Variants in HPD observed in about 807,000 individuals in gnomAD.
HPD encodes 4-hydroxyphenylpyruvic acid oxidase.
In HPD, 35 loss-of-function variants were observed where a neutral mutation model predicts 56.9. That is an observed-to-expected ratio of 0.62 (90% confidence interval 0.47 to 0.82). The LOEUF (loss-of-function observed/expected upper bound fraction) is 0.82. HPD is among the 40% of genes least tolerant of loss of function. The pLI is 0.00. For synonymous variants in HPD, 186 were observed against 200.2 expected (o/e 0.93, Z 0.60); for missense variants, 442 against 506.8 (o/e 0.87, Z 1.23).
At chr12:121,883,814 A>G in the HPD span, among the ~76,000 whole-genome samples, 1 of 151,802 alleles carries the variant, frequency 6.6e-6, no homozygotes, top group African/African-American at 2.4e-5. Flanking sequence ...CTGCCTACAA[A>G]AGTTTCCTTG....
chr12:121,854,775 GCCCCGTTCC>G lies in HPD; in HGVS notation c.333_341del (p.Glu112_Gly114del). 2 of 1,613,900 alleles carry G rather than the reference GCCCCGTTCC, an allele frequency of 1.2e-6. No homozygotes were observed. The highest frequency in any genetic ancestry group is 1.7e-6 in the Non-Finnish European group (2 of 1,179,834). ...CCCAGGGCTCCCGCATGATTTTGGCGCCCCGTTCCCGTGCTTTCTGCAGAGAAGATGGGA... is the reference window on the plus strand; with the variant it reads ...CCCAGGGCTCCCGCATGATTTTGGCGCGTGCTTTCTGCAGAGAAGATGGGA... On this transcript the variant is annotated inframe_deletion, in exon 7 of 14. Transcript: ENST00000289004.
At position 121,856,393 on chromosome 12, in the gene HPD, G is replaced by A; in HGVS notation, c.255C>T (p.His85=). 1 of 1,614,078 alleles carries A rather than the reference G, an allele frequency of 6.2e-7. No individual in the cohort carries two copies. Among genetic ancestry groups the A allele is most frequent in the South Asian group, 1.1e-5 (1 of 91,072 alleles). ...TCACTCCGTCACCGTGTTTCACCAG[G>A]TGATCGCCCATCTCTGTGGCCGGCA... ...LNPWNKEMGD[H]LVKHGDGVKD... Residue 85 remains histidine (H), a synonymous_variant, in exon 6 of 14, where the codon CAC becomes CAT. Transcript: ENST00000289004.
intron 7 of HPD, among the ~76,000 whole-genome samples, chr12:121,854,020 T>G (rs1396378225): frequency 6.6e-6 from 1 of 152,176 alleles, no homozygotes; most frequent in East Asian, 1.9e-4. Context: ...GAGGCTGAGT[T>G]GGGCGGATCA....
the HPD span, among the ~76,000 whole-genome samples, chr12:121,885,821 C>T: frequency 2.6e-5 from 4 of 151,518 alleles, no homozygotes; most frequent in African/African-American, 7.3e-5. Flanking sequence ...AAAAATTAGC[C>T]GAGCATGGTG....
chr12:121,861,525 G>A (rs563598533), upstream of HPD, among the ~76,000 whole-genome samples: 5 of 151,934 alleles, frequency 3.3e-5, no homozygotes, highest in Admixed American at 2.0e-4. Flanking sequence ...AAGTAAGTAA[G>A]TAAGTAAATA....
chr12:121,883,635 C>T, the HPD span, among the ~76,000 whole-genome samples: 3 of 151,682 alleles, frequency 2.0e-5, no homozygotes, highest in African/African-American at 7.3e-5. Flanking sequence ...CTCAGAAGAA[C>T]TGCAAGATAG....
At chr12:121,843,562 C>T (rs1407527708) in intron 12 of HPD, 148 bp downstream of exon 12, 14 of 891,412 alleles carry the variant, frequency 1.6e-5, no homozygotes, top group Non-Finnish European at 2.1e-5. Flanking sequence ...CATCTGTCTC[C>T]TCCTCCCACA....
upstream of HPD, among the ~76,000 whole-genome samples, chr12:121,861,964 C>T (rs1184965464): frequency 1.3e-5 from 2 of 151,838 alleles, no homozygotes; most frequent in African/African-American, 2.4e-5. Context: ...GAGCTATGAT[C>T]GCACCACTGC....
Position 121,847,098 on chromosome 12 carries a change from A to G in HPD, c.713T>C (p.Met238Thr). 1 of 1,614,182 alleles carries G rather than the reference A, an allele frequency of 6.2e-7. No individual in the cohort carries two copies. Among genetic ancestry groups the G allele is most frequent in the Non-Finnish European group, 8.5e-7 (1 of 1,180,044 alleles). Residue 238 changes from methionine (M) to threonine (T), a missense_variant, in exon 10 of 14, where the codon ATG becomes ACG. By Grantham distance (81) the Met-to-Thr change is moderately conservative (BLOSUM62 -1). Coordinates refer to ENST00000289004, the MANE Select transcript of HPD (RefSeq NM_002150.3). ...VVANYEESIKMPINEPAPGKK... is the reference protein window; with the variant it reads ...VVANYEESIKTPINEPAPGKK... ...GCCAGGCGCTGGCTCATTGATGGGC[A>G]TCTTGATGGACTCTTCATAGTTGGC...
At chr12:121,878,578 A>G in the HPD span, among the ~76,000 whole-genome samples, 1 of 151,714 alleles carries the variant, frequency 6.6e-6, no homozygotes, top group Non-Finnish European at 1.5e-5. Flanking sequence ...CAAACTCCTG[A>G]CCTCAAGTGA....
At chr12:121,882,355 C>T in the HPD span, among the ~76,000 whole-genome samples, 1 of 152,172 alleles carries the variant, frequency 6.6e-6, no homozygotes, top group East Asian at 1.9e-4. Flanking sequence ...TGTCTCTTGG[C>T]CTACCTCTCG....
chr12:121,840,601 C>A (rs1317877436), intron 12 of HPD, among the ~76,000 whole-genome samples: 6 of 152,006 alleles, frequency 3.9e-5, no homozygotes, highest in African/African-American at 1.4e-4. Flanking sequence ...TGACCTGCTG[C>A]GGGATCTTTT....
chr12:121,882,855 C>T, the HPD span, among the ~76,000 whole-genome samples: 1 of 152,274 alleles, frequency 6.6e-6, no homozygotes, highest in South Asian at 2.1e-4. Flanking sequence ...GCCTCAGCCT[C>T]CTGAGTAGCT....
rs770864956 is a variant in HPD at position 121,857,787 on chromosome 12, A to G, written c.63T>C (p.Ser21=). 5 of 1,613,928 alleles carry G rather than the reference A, an allele frequency of 3.1e-6. No homozygotes were observed. The South Asian group carries it at 5.5e-5, about 18-fold the overall frequency. The change falls in exon 3 of 14, where the codon TCT becomes TCC. Residue 21 remains serine (S), a synonymous_variant. Coordinates refer to ENST00000289004, the MANE Select transcript of HPD (RefSeq NM_002150.3). ...TGGCGTTGCCAACCCAGAAGGTCAC[A>G]GAGTGGAAGTGGAGGAATCGGCCTC... ...PERGRFLHFH[S]VTFWVGNAKQ...
At chr12:121,867,179 C>A (rs1045192488), upstream of HPD, among the ~76,000 whole-genome samples, 1 of 151,998 alleles carries the variant, frequency 6.6e-6, no homozygotes, top group African/African-American at 2.4e-5. Flanking sequence ...TGGCAAAACC[C>A]CATCTCTACT....
At chr12:121,861,202 G>A (rs1878163886), upstream of HPD, among the ~76,000 whole-genome samples, 1 of 151,982 alleles carries the variant, frequency 6.6e-6, no homozygotes, top group Non-Finnish European at 1.5e-5. Context: ...TGGGCATGGT[G>A]GCAGGCACCT....
chr12:121,865,789 A>G (rs1239081470), upstream of HPD, among the ~76,000 whole-genome samples: 1 of 150,616 alleles, frequency 6.6e-6, no homozygotes, highest in Non-Finnish European at 1.5e-5. Flanking sequence ...CAGGAGTTCA[A>G]GGCCAGCCTG....
intron 7 of HPD, among the ~76,000 whole-genome samples, chr12:121,853,636 A>G (rs1351039481): frequency 6.9e-6 from 1 of 144,302 alleles, no homozygotes; most frequent in Admixed American, 7.0e-5. Context: ...AAAAAAAAAA[A>G]AAGAAAAAAG....
Position 121,851,876 on chromosome 12 carries a change from C to G in HPD, c.415-2086G>C, listed in dbSNP as rs75670180. Among the ~76,000 whole-genome samples, 2 of 29,674 alleles carry G rather than the reference C, an allele frequency of 6.7e-5. 1 individual carries two copies. The highest frequency in any genetic ancestry group is 1.5e-4 in the Non-Finnish European group (2 of 13,406). The allele number at this position is 29,674 out of a possible 152,430, so 19.5% of individuals were successfully genotyped here. ...AGGCGCCCGCTACCACGCCCGGCTA[C>G]TTTTTTGTATTTTTTTTTTTTTTTT... On this transcript the variant is annotated intron_variant, in intron 7 of 13. Transcript: ENST00000289004.
Sources: gnomAD v4.1 joint callset for allele counts (sites outside exome capture counted in the v4.1 genomes callset) on GRCh38, gnomAD v4.1.1 for gene constraint, MANE v1.5 for transcripts, NCBI Gene and HGNC (gene_info 2026-07-23, HGNC 2026-07-21) for gene names.